Variants in ZBTB20 observed in about 807,000 individuals in gnomAD.
The protein encoded by ZBTB20 is zinc finger and BTB domain containing 20.
ZBTB20 carries 9 observed loss-of-function variants against 56.9 expected under a neutral mutation model. The observed-to-expected ratio is 0.16, with a 90% CI of 0.10 to 0.28. ZBTB20 has a LOEUF of 0.28. Among genes scored for constraint, ZBTB20 ranks in the 10% least tolerant of loss-of-function variants. The probability of loss-of-function intolerance (pLI) is 1.00; values close to 1 mark genes in which losing one functional copy is unlikely to be tolerated. For synonymous variants in ZBTB20, 417 were observed against 420.7 expected (o/e 0.99, Z 0.11); for missense variants, 655 against 1,003.0 (o/e 0.65, Z 4.69).
At chr3:114,907,791 G>C (rs1253288714) in intron 3 of ZBTB20, among the ~76,000 whole-genome samples, 1 of 151,882 alleles carries the variant, frequency 6.6e-6, no homozygotes, top group African/African-American at 2.4e-5. Context: ...GTTCCAAGTG[G>C]TGGTGATTTA....
intron 3 of ZBTB20, among the ~76,000 whole-genome samples, chr3:114,917,954 C>CT (rs1376813844): frequency 6.6e-6 from 1 of 152,154 alleles, no homozygotes; most frequent in African/African-American, 2.4e-5. Context: ...CATCTGTGTC[C>CT]TTTTTTTCAT....
At position 114,844,520 on chromosome 3, in the gene ZBTB20, CAAAAAAAAAAA is replaced by C. The variant is rs71146342; in HGVS notation, c.-416-43357_-416-43347del. On this transcript the variant is annotated intron_variant, in intron 4 of 11. Transcript: ENST00000675478. ...TGGTTGACAGAGCAAGTCCCTGTCT[CAAAAAAAAAAA>C]AAAAAAAAAAAAAAAAAAAAACTTT... 1.2e-3 allele frequency among the ~76,000 whole-genome samples: 27 copies of C among 22,810 alleles called. No homozygotes were observed. In the South Asian group the frequency reaches 0.016, roughly 14 times the overall value. 15.0% of individuals were successfully genotyped at this position (22,810 alleles called of 152,430 possible).
intron 3 of ZBTB20, among the ~76,000 whole-genome samples, chr3:114,943,519 C>G (rs2076788547): frequency 1.4e-5 from 2 of 144,996 alleles, no homozygotes; most frequent in Non-Finnish European, 3.0e-5. Context: ...TGAGAATAAT[C>G]AGAGAACTGG....
chr3:114,380,266 G>A lies in ZBTB20; in HGVS notation c.150C>T (p.His50=), dbSNP rs559808323. ...GAGAGTTTGTCAGTGAATGTGTTGA[G>A]TGGATGAGGGCTGGGTCTGGAGACA... is the stretch of plus-strand genomic sequence containing the variant. ...AVLSPDPALI[H]STHSLTNSHA... Residue 50 remains histidine (H), a synonymous_variant, in exon 10 of 12, where the codon CAC becomes CAT. Transcript: ENST00000675478. 56 of 1,537,170 alleles carry A rather than the reference G, an allele frequency of 3.6e-5. No individual in the cohort carries two copies. The East Asian group carries it at 1.2e-3, about 34-fold the overall frequency.
intron 3 of ZBTB20, among the ~76,000 whole-genome samples, chr3:114,931,914 C>T (rs551897501): frequency 6.6e-6 from 1 of 152,054 alleles, no homozygotes; most frequent in South Asian, 2.1e-4. Context: ...GTATTAACAC[C>T]ATATAATACA....
intron 7 of ZBTB20, among the ~76,000 whole-genome samples, chr3:114,438,533 G>A (rs2090692955): frequency 1.3e-5 from 2 of 152,040 alleles, no homozygotes; most frequent in South Asian, 4.2e-4. Context: ...GTGCTTGGAG[G>A]AAAGAAGGAG....
At chr3:114,380,089 C>T in intron 10 of ZBTB20, 128 bp downstream of exon 10, 1 of 1,008,326 alleles carries the variant, frequency 9.9e-7, no homozygotes, top group Non-Finnish European at 1.4e-6. Flanking sequence ...AATGGTGGCA[C>T]ATTACTTTTG....
Position 114,320,803 on chromosome 3 carries a change from T to C in ZBTB20, c.*18202A>G, listed in dbSNP as rs1367179467. The C allele has an allele frequency of 6.6e-6, 1 of 152,198 alleles. No homozygotes were observed. The highest frequency in any genetic ancestry group is 1.5e-5 in the Non-Finnish European group (1 of 68,040). 9.4% of individuals were successfully genotyped at this position (152,198 alleles called of 1,614,324 possible). A position where few individuals can be genotyped will look rare whatever the true frequency, so the allele number is the denominator to read the frequency against. On this transcript the variant is annotated 3_prime_UTR_variant, in exon 12 of 12. Coordinates refer to ENST00000675478, the MANE Select transcript of ZBTB20 (RefSeq NM_001348800.3). ...TCAAATAGACATAGCAAATGGACTC[T>C]ATTCTTATAAAAATAACCACAAATA...
chr3:114,471,610 G>A (rs969825749), intron 7 of ZBTB20, among the ~76,000 whole-genome samples: 5 of 152,116 alleles, frequency 3.3e-5, no homozygotes, highest in South Asian at 2.1e-4. Context: ...GAGGTGGAGC[G>A]ACTGAGAGAA....
At chr3:114,764,504 T>A (rs1341685869) in intron 5 of ZBTB20, among the ~76,000 whole-genome samples, 1 of 152,182 alleles carries the variant, frequency 6.6e-6, no homozygotes, top group African/African-American at 2.4e-5. Context: ...TGCTGAGAAC[T>A]GGATGTGCAC....
intron 2 of ZBTB20, among the ~76,000 whole-genome samples, chr3:115,039,262 C>A (rs1451737409): frequency 6.6e-6 from 1 of 151,922 alleles, no homozygotes; most frequent in East Asian, 1.9e-4. Context: ...AGACTAGAAT[C>A]ATAACATATT....
At chr3:114,692,588 G>T (rs2062763446) in intron 6 of ZBTB20, among the ~76,000 whole-genome samples, 1 of 152,142 alleles carries the variant, frequency 6.6e-6, no homozygotes, top group African/African-American at 2.4e-5. Flanking sequence ...GCAGAACACA[G>T]TTAGATGCCA....
At chr3:114,490,381 C>T (rs2042605781) in intron 7 of ZBTB20, among the ~76,000 whole-genome samples, 3 of 152,072 alleles carry the variant, frequency 2.0e-5, no homozygotes, top group East Asian at 1.9e-4. Flanking sequence ...GCCACTATGC[C>T]CGGCTAATTT....
At chr3:114,636,089 CA>C (rs2059252512) in intron 6 of ZBTB20, among the ~76,000 whole-genome samples, 1 of 152,108 alleles carries the variant, frequency 6.6e-6, no homozygotes, top group African/African-American at 2.4e-5. Context: ...AATTTCTCAG[CA>C]GAATCCTCAC....
At chr3:114,664,853 T>C (rs1360748004) in intron 6 of ZBTB20, among the ~76,000 whole-genome samples, 3 of 152,116 alleles carry the variant, frequency 2.0e-5, no homozygotes, top group Non-Finnish European at 4.4e-5. Flanking sequence ...GAACTGGTAA[T>C]AGGACTAAAC....
intron 5 of ZBTB20, among the ~76,000 whole-genome samples, chr3:114,792,656 T>G (rs1415667160): frequency 6.6e-6 from 1 of 151,724 alleles, no homozygotes; most frequent in African/African-American, 2.4e-5. Flanking sequence ...GAAATGGGGG[T>G]GTTTACATGC....
intron 8 of ZBTB20, chr3:114,388,211 T>C (rs1395022884): frequency 6.6e-6 from 1 of 152,230 alleles, no homozygotes; most frequent in East Asian, 1.9e-4. Flanking sequence ...AATGTGTAAT[T>C]AAGTTACTTT....
In ZBTB20 at chr3:115,048,868, TC is replaced by T. The variant is rs574552743; in HGVS notation, c.-507+22350del. 3.9e-3 allele frequency among the ~76,000 whole-genome samples: 595 copies of T among 152,192 alleles called. 2 individuals carry two copies. The highest frequency in any genetic ancestry group is 0.014 in the African/African-American group (571 of 41,504). On this transcript the variant is annotated intron_variant, in intron 2 of 11. Coordinates refer to ENST00000675478, the MANE Select transcript of ZBTB20 (RefSeq NM_001348800.3). ...AAAGAGTATTTATTAAAGACTTCTA[TC>T]TAAAAAAAAGGATTTATACCAATCC...
At chr3:114,495,586 C>A (rs2043204325) in intron 7 of ZBTB20, among the ~76,000 whole-genome samples, 1 of 152,052 alleles carries the variant, frequency 6.6e-6, no homozygotes, top group Admixed American at 6.6e-5. Flanking sequence ...ATGGAACTCA[C>A]CATCTGATAG....
Sources: allele counts gnomAD v4.1 joint callset (sites outside exome capture counted in the v4.1 genomes callset), GRCh38; gene constraint gnomAD v4.1.1; transcripts MANE v1.5; gene names NCBI Gene and HGNC (gene_info 2026-07-23, HGNC 2026-07-21).